Variants in TYW1B observed in about 807,000 individuals in gnomAD.
TYW1B encodes the protein S-adenosyl-L-methionine-dependent tRNA 4-demethylwyosine synthase TYW1B.
In TYW1B, 73 loss-of-function variants were observed where a neutral mutation model predicts 86.9. The ratio of observed to expected loss-of-function variants is 0.84; its 90% CI spans 0.70 to 1.02. The LOEUF (loss-of-function observed/expected upper bound fraction) is 1.02. Among genes scored for constraint, TYW1B ranks in the 50% least tolerant of loss-of-function variants. The pLI, the probability that TYW1B is intolerant of heterozygous loss-of-function variation, is 0.00. For synonymous variants in TYW1B, 248 were observed against 292.8 expected (o/e 0.85, Z 1.56); for missense variants, 637 against 827.4 (o/e 0.77, Z 2.82).
chr7:72,706,290 G>A (rs1814611756), intron 10 of TYW1B, among the ~76,000 whole-genome samples: 1 of 151,960 alleles, frequency 6.6e-6, no homozygotes, highest in Admixed American at 6.6e-5. Flanking sequence ...AGCCGGGTGT[G>A]GTGGCAAATG....
chr7:72,656,893 C>T (rs1813218240), intron 11 of TYW1B, among the ~76,000 whole-genome samples: 1 of 152,210 alleles, frequency 6.6e-6, no homozygotes, highest in Admixed American at 6.5e-5. Flanking sequence ...AGCACCAACT[C>T]ATTCCTGAGG....
intron 8 of TYW1B, among the ~76,000 whole-genome samples, chr7:72,734,847 A>C (rs1488189739): frequency 1.3e-4 from 2 of 15,848 alleles, no homozygotes; most frequent in African/African-American, 2.7e-4. Flanking sequence ...GTAGCAAACA[A>C]ATACATTTTT....
intron 11 of TYW1B, among the ~76,000 whole-genome samples, chr7:72,665,838 G>A (rs1304141239): frequency 6.6e-6 from 1 of 152,150 alleles, no homozygotes; most frequent in Non-Finnish European, 1.5e-5. Context: ...TTGAGTGAAT[G>A]AATACAGTTT....
chr7:72,793,468 C>T (rs1170402589), intron 6 of TYW1B, among the ~76,000 whole-genome samples: 5 of 152,076 alleles, frequency 3.3e-5, no homozygotes, highest in African/African-American at 7.2e-5. Flanking sequence ...CTCCCCTGGC[C>T]GGGAACGGTG....
Position 72,810,654 on chromosome 7 carries a change from T to C in TYW1B, c.249A>G (p.Lys83=). The C allele has an allele frequency of 6.2e-7, 1 of 1,608,292 alleles. No homozygotes were observed. The highest frequency in any genetic ancestry group is 8.5e-7 in the Non-Finnish European group (1 of 1,176,428). ...DDHLIEEVTS[K]NVCVFLVATY... ...TCGCAACCAGGAAGACACAGACATT[T>C]TTACTAGTCACCTAACCAAGAAAGT... Residue 83 remains lysine, a synonymous_variant, in exon 4 of 14, where the codon AAA becomes AAG. Transcript: ENST00000620995.
chr7:72,776,389 G>A (rs1787953944), intron 7 of TYW1B, among the ~76,000 whole-genome samples: 1 of 151,640 alleles, frequency 6.6e-6, no homozygotes, highest in Non-Finnish European at 1.5e-5. Flanking sequence ...TTCAAGACCA[G>A]CATGGCCAAC....
intron 13 of TYW1B, among the ~76,000 whole-genome samples, chr7:72,603,834 C>T (rs1554434351): frequency 6.6e-6 from 1 of 152,066 alleles, no homozygotes; most frequent in South Asian, 2.1e-4. Flanking sequence ...TCCACAAAAT[C>T]CCTCGAGTAC....
At chr7:72,754,310 T>G (rs782518757) in intron 7 of TYW1B, among the ~76,000 whole-genome samples, 2 of 152,002 alleles carry the variant, frequency 1.3e-5, no homozygotes, top group Non-Finnish European at 2.9e-5. Context: ...GTCTGGCTAA[T>G]TCTTCTATTT....
Position 72,719,842 on chromosome 7 carries a change from G to A in TYW1B, c.1193-6044C>T, listed in dbSNP as rs184200337. Among the ~76,000 whole-genome samples the A allele has an allele frequency of 2.7e-3, 415 of 152,166 alleles. 1 individual carries two copies. Among genetic ancestry groups the A allele is most frequent in the African/African-American group, 9.0e-3 (372 of 41,496 alleles). The stretch of plus-strand genomic sequence containing the variant: ...GCAAAGACGGAAGAGCATTCCAGTC[G>A]GAGGAAAGACCCCAAGGTGGGAGCC... On this transcript the variant is annotated intron_variant, in intron 9 of 13. Coordinates refer to ENST00000620995, the MANE Select transcript of TYW1B (RefSeq NM_001145440.3).
At chr7:72,735,338 G>A (rs1339644992) in intron 8 of TYW1B, among the ~76,000 whole-genome samples, 1 of 152,154 alleles carries the variant, frequency 6.6e-6, no homozygotes, top group Non-Finnish European at 1.5e-5. Flanking sequence ...GGGAGGCTGA[G>A]GCCAGTGGAT....
chr7:72,605,766 GA>G (rs1429247456), intron 13 of TYW1B, among the ~76,000 whole-genome samples: 5 of 152,186 alleles, frequency 3.3e-5, no homozygotes, highest in Admixed American at 3.3e-4. Context: ...TAAGTGTCAG[GA>G]AATTCTTTCC....
intron 11 of TYW1B, among the ~76,000 whole-genome samples, chr7:72,658,415 G>A (rs1201267166): frequency 6.6e-6 from 1 of 152,116 alleles, no homozygotes; most frequent in Non-Finnish European, 1.5e-5. Flanking sequence ...AGTATGCAAA[G>A]CACGATCCAA....
chr7:72,807,029 G>A, intron 5 of TYW1B, 37 bp downstream of exon 5: 1 of 1,594,358 alleles, frequency 6.3e-7, no homozygotes, highest in African/African-American at 1.3e-5. Flanking sequence ...CAAGCAGAGG[G>A]GGAAAGCATC....
At chr7:72,594,594 C>T (rs1811482554) in intron 13 of TYW1B, among the ~76,000 whole-genome samples, 1 of 152,122 alleles carries the variant, frequency 6.6e-6, no homozygotes, top group African/African-American at 2.4e-5. Flanking sequence ...AGAACTAACA[C>T]CAATCTTTCT....
At chr7:72,654,019 G>A (rs1554443247) in intron 11 of TYW1B, among the ~76,000 whole-genome samples, 2 of 150,868 alleles carry the variant, frequency 1.3e-5, no homozygotes, top group Middle Eastern at 3.4e-3. Flanking sequence ...GGCGGAGGCT[G>A]CAGTGAGCTA....
chr7:72,651,064 T>C (rs1467137674), intron 11 of TYW1B, among the ~76,000 whole-genome samples: 1 of 152,194 alleles, frequency 6.6e-6, no homozygotes, highest in Non-Finnish European at 1.5e-5. Flanking sequence ...GAACATAGCA[T>C]GTCTTTTATG....
rs1788705436 is a variant in TYW1B, at chr7:72,815,462, G to A, written c.155C>T (p.Ala52Val). 6.2e-7 allele frequency: 1 copy of A among 1,609,092 alleles called. No individual in the cohort carries two copies. Among genetic ancestry groups the A allele is most frequent in the Non-Finnish European group, 8.5e-7 (1 of 1,178,942 alleles). Residue 52 changes from alanine (A) to valine (V), a missense_variant, in exon 3 of 14, where the codon GCT becomes GTT. Transcript: ENST00000620995. ...CAGATCCAGGGACGTAACTGCTTCAGCAAGAACTGTTGCAAATCCCTAATA... is the reference window on the plus strand; with the variant it reads ...CAGATCCAGGGACGTAACTGCTTCAACAAGAACTGTTGCAAATCCCTAATA... ...IEMQGFATVL[A>V]EAVTSLDLPV...
intron 7 of TYW1B, among the ~76,000 whole-genome samples, chr7:72,748,141 C>T (rs1380393256): frequency 9.9e-5 from 15 of 151,986 alleles, no homozygotes; most frequent in Non-Finnish European, 1.6e-4. Context: ...TGGTGGCGGG[C>T]GCCTGTAGTC....
chr7:72,668,663 G>C (rs1417233442), intron 11 of TYW1B, among the ~76,000 whole-genome samples: 4 of 152,124 alleles, frequency 2.6e-5, no homozygotes, highest in African/African-American at 4.8e-5. Flanking sequence ...AAACAGGAAG[G>C]CTCTTTAGTA....
Sources: gnomAD v4.1 joint callset for allele counts (sites outside exome capture counted in the v4.1 genomes callset) on GRCh38, gnomAD v4.1.1 for gene constraint, MANE v1.5 for transcripts, NCBI Gene and HGNC (gene_info 2026-07-23, HGNC 2026-07-21) for gene names.